The following LHFPL6 variants were observed in gnomAD, a reference collection of about 807,000 sequenced individuals.
LHFPL6 encodes LHFPL tetraspan subfamily member 6 protein.
LHFPL6 carries 9 observed loss-of-function variants against 20.6 expected under a neutral mutation model. That is an observed-to-expected ratio of 0.44 (90% CI 0.26 to 0.76). LHFPL6 has a LOEUF of 0.76. Ranked by LOEUF, LHFPL6 falls within the 30% of genes least tolerant of loss-of-function variation. The pLI is 0.20. For missense variants in LHFPL6, 218 were observed against 253.5 expected, an observed-to-expected ratio of 0.86 and a Z score of 0.95; for synonymous variants, 105 against 98.7, an observed-to-expected ratio of 1.06 and a Z score of -0.38.
intron 2 of LHFPL6, among the ~76,000 whole-genome samples, chr13:39,433,393 T>C (rs1443647431): frequency 6.6e-6 from 1 of 152,244 alleles, no homozygotes; most frequent in Admixed American, 6.5e-5. Context: ...TAGATGCACA[T>C]GTGCAATTCT....
intron 2 of LHFPL6, among the ~76,000 whole-genome samples, chr13:39,541,147 T>G (rs1410194669): frequency 5.9e-5 from 9 of 152,206 alleles, no homozygotes; most frequent in Admixed American, 5.9e-4. Context: ...AAGCCACCTC[T>G]GGGAAGCCCA....
At chr13:39,510,976 G>A (rs1417622979) in intron 2 of LHFPL6, among the ~76,000 whole-genome samples, 1 of 151,730 alleles carries the variant, frequency 6.6e-6, no homozygotes, top group Non-Finnish European at 1.5e-5. Flanking sequence ...AGGTTCAAGC[G>A]ATTCTCCTGC....
At chr13:39,417,704 G>C (rs769888905) in intron 2 of LHFPL6, among the ~76,000 whole-genome samples, 6 of 151,854 alleles carry the variant, frequency 4.0e-5, no homozygotes, top group Non-Finnish European at 8.8e-5. Flanking sequence ...AAGTCTTTGT[G>C]ATATTCAGCA....
intron 2 of LHFPL6, among the ~76,000 whole-genome samples, chr13:39,562,581 CACATATAT>C (rs1293098006): frequency 7.8e-6 from 1 of 127,490 alleles, no homozygotes; most frequent in Non-Finnish European, 1.7e-5. Flanking sequence ...TACATATATA[CACATATAT>C]ACATATATAC....
intron 2 of LHFPL6, among the ~76,000 whole-genome samples, chr13:39,484,115 T>C (rs901655726): frequency 2.6e-5 from 4 of 152,204 alleles, no homozygotes; most frequent in African/African-American, 9.6e-5. Flanking sequence ...GCCATTCACG[T>C]GACAATCATT....
At chr13:39,574,855 C>T (rs1240012170) in intron 2 of LHFPL6, among the ~76,000 whole-genome samples, 2 of 151,998 alleles carry the variant, frequency 1.3e-5, no homozygotes, top group South Asian at 2.1e-4. Context: ...GTGGATTACC[C>T]GAGGTCAGGA....
chr13:39,437,768 G>A (rs532096613), intron 2 of LHFPL6, among the ~76,000 whole-genome samples: 38 of 152,208 alleles, frequency 2.5e-4, no homozygotes, highest in African/African-American at 7.5e-4. Flanking sequence ...TGGGCGTGGT[G>A]GCGGGTGCCT....
chr13:39,404,877 T>C (rs1291716003), intron 2 of LHFPL6, among the ~76,000 whole-genome samples: 3 of 152,212 alleles, frequency 2.0e-5, no homozygotes, highest in Admixed American at 6.5e-5. Flanking sequence ...AATATGTATT[T>C]GTGCAAAATG....
chr13:39,443,518 A>G lies in LHFPL6; in HGVS notation c.386-64992T>C, dbSNP rs569055483. Among the ~76,000 whole-genome samples the G allele has an allele frequency of 1.9e-3, 282 of 152,266 alleles. 2 individuals are homozygous for G. Among genetic ancestry groups the G allele is most frequent in the Middle Eastern group, 0.01 (3 of 292 alleles). On this transcript the variant is annotated intron_variant, in intron 2 of 3. Coordinates refer to ENST00000379589, the MANE Select transcript of LHFPL6 (RefSeq NM_005780.3). Reference sequence around the variant, plus strand: ...CTGGAAAAATTTGGAGCAGCAAGCTAGTAAAAGCTTGGATTGCTGTGAATG... The same window carrying G: ...CTGGAAAAATTTGGAGCAGCAAGCTGGTAAAAGCTTGGATTGCTGTGAATG...
intron 2 of LHFPL6, among the ~76,000 whole-genome samples, chr13:39,480,173 C>T (rs1281190579): frequency 6.6e-6 from 1 of 152,076 alleles, no homozygotes; most frequent in African/African-American, 2.4e-5. Context: ...CTGAGAAAAA[C>T]AAAGTGTTAG....
chr13:39,498,624 C>G (rs1383351807), intron 2 of LHFPL6, among the ~76,000 whole-genome samples: 2 of 152,160 alleles, frequency 1.3e-5, no homozygotes, highest in South Asian at 4.1e-4. Flanking sequence ...GCTCTCAAAG[C>G]GTAAAGCTAC....
chr13:39,510,075 A>T (rs1442122590), intron 2 of LHFPL6, among the ~76,000 whole-genome samples: 1 of 152,242 alleles, frequency 6.6e-6, no homozygotes, highest in Admixed American at 6.5e-5. Flanking sequence ...AGGAAGACTG[A>T]ATCCCACTCA....
In LHFPL6 at chr13:39,405,147, G is replaced by T. The variant is rs1871088276; in HGVS notation, c.386-26621C>A. On this transcript the variant is annotated intron_variant, in intron 2 of 3. Transcript: ENST00000379589. ...TGATAAAGAGTAATACACATATGTG[G>T]ACATCTGTCCTCCTTGACTTAAATG... Among the ~76,000 whole-genome samples the T allele has an allele frequency of 2.0e-5, 3 of 152,186 alleles. No homozygotes were observed. The South Asian group carries it at 6.2e-4, about 32-fold the overall frequency.
intron 2 of LHFPL6, among the ~76,000 whole-genome samples, chr13:39,487,730 C>T (rs911674454): frequency 1.3e-5 from 2 of 152,108 alleles, no homozygotes; most frequent in Admixed American, 6.5e-5. Context: ...TTCTCTAGGC[C>T]GGGTGCGGTG....
intron 3 of LHFPL6, among the ~76,000 whole-genome samples, chr13:39,352,548 C>G (rs1869595729): frequency 6.6e-6 from 1 of 152,096 alleles, no homozygotes; most frequent in Non-Finnish European, 1.5e-5. Context: ...AACTTGAGCT[C>G]CATGGGATCC....
chr13:39,498,642 A>G (rs1340776239), intron 2 of LHFPL6, among the ~76,000 whole-genome samples: 2 of 152,218 alleles, frequency 1.3e-5, no homozygotes, highest in African/African-American at 4.8e-5. Flanking sequence ...TACATTAGGA[A>G]GAGATAAACA....
At chr13:39,506,121 C>T (rs1278491821) in intron 2 of LHFPL6, among the ~76,000 whole-genome samples, 1 of 152,180 alleles carries the variant, frequency 6.6e-6, no homozygotes, top group Non-Finnish European at 1.5e-5. Flanking sequence ...TTATACTACA[C>T]TATGATCTTT....
At chr13:39,363,353 T>C (rs75698307) in intron 3 of LHFPL6, among the ~76,000 whole-genome samples, 7,545 of 152,260 alleles carry the variant, frequency 0.05, 294 homozygotes, top group South Asian at 0.17. Flanking sequence ...CAGAGCATCA[T>C]AGCATCACAG....
chr13:39,498,538 G>A (rs913522972), intron 2 of LHFPL6, among the ~76,000 whole-genome samples: 13 of 152,336 alleles, frequency 8.5e-5, no homozygotes, highest in African/African-American at 2.9e-4. Flanking sequence ...AAATCAGGGA[G>A]AGAAGATCAG....
Sources: allele counts gnomAD v4.1 joint callset (sites outside exome capture counted in the v4.1 genomes callset), GRCh38; gene constraint gnomAD v4.1.1; transcripts MANE v1.5; gene names NCBI Gene and HGNC (gene_info 2026-07-23, HGNC 2026-07-21).